Variants in C12orf56 observed in about 807,000 individuals in gnomAD.
C12orf56 encodes the protein uncharacterized protein C12orf56.
C12orf56 carries 71 observed loss-of-function variants against 69.9 expected under a neutral mutation model. The ratio of observed to expected loss-of-function variants is 1.02; its 90% confidence interval spans 0.84 to 1.24. The LOEUF (loss-of-function observed/expected upper bound fraction) is 1.24, where lower values mean the gene tolerates loss of function less well. Among genes scored for constraint, C12orf56 ranks in the 50% most tolerant of loss-of-function variants. C12orf56 has a pLI of 0.00. For synonymous variants in C12orf56, 276 were observed against 274.1 expected (o/e 1.01, Z -0.07); for missense variants, 732 against 738.5 (o/e 0.99, Z 0.10).
chr12:64,331,015 C>G lies in C12orf56; in HGVS notation c.433G>C (p.Gly145Arg). The G allele has an allele frequency of 1.3e-6, 2 of 1,548,822 alleles. No individual in the cohort carries two copies. Among genetic ancestry groups the G allele is most frequent in the African/African-American group, 2.8e-5 (2 of 71,556 alleles). The stretch of plus-strand genomic sequence containing the variant: ...TCTTTGCTTCTCCAAAAGGCAAGGC[C>G]GTTCTTTTCTTCCTTGACTTAAAAA... The part of the protein sequence containing the change: ...NNKKVKEEKN[G>R]LAFWRSKESR... Residue 145 changes from glycine (G) to arginine (R), a missense_variant, in exon 3 of 13, where the codon GGC becomes CGC. By Grantham distance (125) the Gly-to-Arg change is moderately radical. Coordinates refer to ENST00000543942, the MANE Select transcript of C12orf56 (RefSeq NM_001170633.2).
intron 3 of C12orf56, among the ~76,000 whole-genome samples, chr12:64,330,282 A>G (rs1251419717): frequency 6.6e-6 from 1 of 152,194 alleles, no homozygotes; most frequent in Admixed American, 6.5e-5. Context: ...CTGGACTTTT[A>G]AGACCCTCCA....
intron 1 of C12orf56, among the ~76,000 whole-genome samples, chr12:64,360,013 C>T (rs909971867): frequency 6.6e-6 from 1 of 151,960 alleles, no homozygotes; most frequent in Non-Finnish European, 1.5e-5. Context: ...CTGCGTCCAG[C>T]GAAAAGAATT....
chr12:64,308,315 C>T (rs1005839917), intron 5 of C12orf56, among the ~76,000 whole-genome samples: 19 of 152,028 alleles, frequency 1.2e-4, no homozygotes, highest in African/African-American at 4.3e-4. Flanking sequence ...GTGGAAGACC[C>T]TGTATCAATA....
chr12:64,358,446 A>C (rs1291853389), intron 1 of C12orf56, among the ~76,000 whole-genome samples: 1 of 150,256 alleles, frequency 6.7e-6, no homozygotes, highest in Non-Finnish European at 1.5e-5. Context: ...CAACACAGTA[A>C]GACTCCATCT....
chr12:64,293,944 A>C (rs2038330431), intron 6 of C12orf56, among the ~76,000 whole-genome samples: 1 of 152,244 alleles, frequency 6.6e-6, no homozygotes, highest in Admixed American at 6.5e-5. Flanking sequence ...AGTAGTGTTA[A>C]TAGTTACATG....
chr12:64,371,701 A>T (rs1186800264), intron 1 of C12orf56, among the ~76,000 whole-genome samples: 1 of 151,838 alleles, frequency 6.6e-6, no homozygotes, highest in Non-Finnish European at 1.5e-5. Context: ...ATGGTGGTGC[A>T]CACCTGTAAT....
At chr12:64,305,158 G>A (rs533515464) in intron 5 of C12orf56, among the ~76,000 whole-genome samples, 2 of 151,966 alleles carry the variant, frequency 1.3e-5, no homozygotes, top group Non-Finnish European at 2.9e-5. Flanking sequence ...CTTTTCTAGC[G>A]GAGATGCTGG....
chr12:64,390,632 C>G lies in C12orf56; in HGVS notation c.-67G>C. ...CCTCAGCTCGCCCTCTCCCCGCCCC[C>G]GCGCTGGAACCCGCGCGCCACAAAG... On this transcript the variant is annotated 5_prime_UTR_variant, in exon 1 of 13. Transcript: ENST00000543942. The G allele has an allele frequency of 7.2e-7, 1 of 1,383,466 alleles. No individual in the cohort carries two copies. The highest frequency in any genetic ancestry group is 9.3e-7 in the Non-Finnish European group (1 of 1,077,266). The allele number at this position is 1,383,466 out of a possible 1,614,324, so 85.7% of individuals were successfully genotyped here.
At chr12:64,318,359 G>A (rs555386601) in intron 4 of C12orf56, among the ~76,000 whole-genome samples, 186 of 152,146 alleles carry the variant, frequency 1.2e-3, no homozygotes, top group African/African-American at 4.1e-3. Context: ...CACCATGCCC[G>A]TCCAGAAACT....
chr12:64,275,459 A>G (rs2038039532), intron 9 of C12orf56, 87 bp from the exon 10 acceptor site: 11 of 594,044 alleles, frequency 1.9e-5, no homozygotes, highest in Non-Finnish European at 2.8e-5. Flanking sequence ...GTACTTATAC[A>G]ATAAACTTTC....
At chr12:64,302,553 A>G (rs557718548) in intron 6 of C12orf56, among the ~76,000 whole-genome samples, 1 of 152,286 alleles carries the variant, frequency 6.6e-6, no homozygotes, top group South Asian at 2.1e-4. Flanking sequence ...TACTTATGTG[A>G]CCAATGCCAG....
chr12:64,346,125 A>T (rs1328836547), intron 2 of C12orf56, among the ~76,000 whole-genome samples: 2 of 152,152 alleles, frequency 1.3e-5, no homozygotes, highest in Non-Finnish European at 2.9e-5. Context: ...GAATATATAC[A>T]TATACAAAGG....
chr12:64,352,072 G>A (rs2039230218), intron 2 of C12orf56, among the ~76,000 whole-genome samples: 1 of 150,304 alleles, frequency 6.7e-6, no homozygotes, highest in Non-Finnish European at 1.5e-5. Context: ...CAGCAAAAGA[G>A]TAAAAGGTTT....
At position 64,264,775 on chromosome 12, in the gene C12orf56, A is replaced by G. The variant is rs2037903281; in HGVS notation, c.*2408T>C. ...AGCAGAGAAGAATAGTGGTTGGACA[A>G]TCCTTCGAATTATTAGTTTCTGATC... On this transcript the variant is annotated 3_prime_UTR_variant, in exon 13 of 13. Transcript: ENST00000543942. 6.6e-6 allele frequency: 1 copy of G among 152,236 alleles called. No homozygotes were observed. The highest frequency in any genetic ancestry group is 2.1e-4 in the South Asian group (1 of 4,836). 9.4% of individuals were successfully genotyped at this position (152,236 alleles called of 1,614,324 possible).
At chr12:64,323,126 C>A (rs1156486537) in intron 3 of C12orf56, among the ~76,000 whole-genome samples, 1 of 152,082 alleles carries the variant, frequency 6.6e-6, no homozygotes, top group Non-Finnish European at 1.5e-5. Flanking sequence ...CGTGTGCTGC[C>A]CCATGGAGGA....
intron 2 of C12orf56, among the ~76,000 whole-genome samples, 160 bp from the exon 3 acceptor site, chr12:64,331,192 C>T (rs1565759893): frequency 6.6e-6 from 1 of 152,012 alleles, no homozygotes; most frequent in Non-Finnish European, 1.5e-5. Flanking sequence ...GCAAAAAGAA[C>T]TTTGACTTTG....
chr12:64,319,017 A>G lies in C12orf56; in HGVS notation c.489-37T>C, dbSNP rs1380521690. 9 of 1,422,620 alleles carry G rather than the reference A, an allele frequency of 6.3e-6. No homozygotes were observed. The South Asian group carries it at 1.2e-4, about 20-fold the overall frequency. The allele number at this position is 1,422,620 out of a possible 1,614,324, so 88.1% of individuals were successfully genotyped here. A position where few individuals can be genotyped will look rare whatever the true frequency, so the allele number is the denominator to read the frequency against. On this transcript the variant is annotated intron_variant, in intron 3 of 12. Coordinates refer to ENST00000543942, the MANE Select transcript of C12orf56 (RefSeq NM_001170633.2). Reference sequence around the variant, plus strand: ...AATTTAGTATTAAACATGACATGCAAAATTTCACAGTAAGCAACAAAGAGA... The same window carrying G: ...AATTTAGTATTAAACATGACATGCAGAATTTCACAGTAAGCAACAAAGAGA...
intron 9 of C12orf56, among the ~76,000 whole-genome samples, chr12:64,276,348 A>G (rs1565734574): frequency 2.6e-5 from 4 of 152,208 alleles, no homozygotes; most frequent in African/African-American, 9.6e-5. Context: ...AGAAATGTAC[A>G]GGAAGTTAAG....
chr12:64,331,051 A>G lies in C12orf56; in HGVS notation c.416-19T>C. ...TCCTTGACTTAAAAAAAAAATAGTTATTTGGTCATTAATTAAATAATTTGA... is the reference window on the plus strand; with the variant it reads ...TCCTTGACTTAAAAAAAAAATAGTTGTTTGGTCATTAATTAAATAATTTGA... On this transcript the variant is annotated intron_variant, in intron 2 of 12. Coordinates refer to ENST00000543942, the MANE Select transcript of C12orf56 (RefSeq NM_001170633.2). The G allele has an allele frequency of 6.7e-7, 1 of 1,500,000 alleles. No homozygotes were observed. The highest frequency in any genetic ancestry group is 2.5e-5 in the East Asian group (1 of 40,662). 92.9% of individuals were successfully genotyped at this position (1,500,000 alleles called of 1,614,324 possible).
Sources: gnomAD v4.1 joint callset for allele counts (sites outside exome capture counted in the v4.1 genomes callset) on GRCh38, gnomAD v4.1.1 for gene constraint, MANE v1.5 for transcripts, NCBI Gene and HGNC (gene_info 2026-07-23, HGNC 2026-07-21) for gene names.